Variants in NFIB observed in about 807,000 individuals in gnomAD.
NFIB encodes nuclear factor 1 B-type.
NFIB carries 11 observed loss-of-function variants against 61.5 expected under a neutral mutation model. The observed-to-expected ratio is 0.18, with a 90% CI of 0.11 to 0.30. The LOEUF is 0.30. Ranked by LOEUF, NFIB falls within the 10% of genes least tolerant of loss-of-function variation. The probability of loss-of-function intolerance (pLI) is 1.00; values close to 1 mark genes in which losing one functional copy is unlikely to be tolerated. For missense variants in NFIB, 471 were observed against 608.9 expected (o/e 0.77, Z 2.38); for synonymous variants, 260 against 216.5 (o/e 1.20, Z -1.76).
the NFIB span, among the ~76,000 whole-genome samples, chr9:14,530,146 A>T: frequency 2.6e-5 from 4 of 152,212 alleles, no homozygotes; most frequent in African/African-American, 9.6e-5. Context: ...ACTTCTTAGA[A>T]CAACGTAAAA....
At chr9:14,212,919 T>G (rs909920235) in intron 2 of NFIB, among the ~76,000 whole-genome samples, 1 of 152,242 alleles carries the variant, frequency 6.6e-6, no homozygotes, top group African/African-American at 2.4e-5. Flanking sequence ...GTAAATTCAC[T>G]GCTTAGAGAA....
At chr9:14,373,300 G>A (rs1232410416) in intron 1 of NFIB, among the ~76,000 whole-genome samples, 2 of 152,184 alleles carry the variant, frequency 1.3e-5, no homozygotes, top group Non-Finnish European at 2.9e-5. Context: ...TAGCATTTAT[G>A]AGAACTTACC....
At chr9:14,477,965 C>G in the NFIB span, among the ~76,000 whole-genome samples, 1 of 152,082 alleles carries the variant, frequency 6.6e-6, no homozygotes, top group African/African-American at 2.4e-5. Flanking sequence ...CCACCCCACC[C>G]CCCATTCTAT....
chr9:14,116,140 G>A, intron 9 of NFIB, 68 bp downstream of exon 9: 2 of 1,385,848 alleles, frequency 1.4e-6, no homozygotes, highest in East Asian at 2.9e-5. Flanking sequence ...ATCCAATGGT[G>A]CCTCTGATGG....
intron 2 of NFIB, among the ~76,000 whole-genome samples, chr9:14,289,688 G>A (rs2058964815): frequency 6.6e-6 from 1 of 151,688 alleles, no homozygotes; most frequent in African/African-American, 2.4e-5. Flanking sequence ...ACAAGATAAG[G>A]ATTATTATCC....
chr9:14,177,656 G>A (rs1041538214), intron 3 of NFIB, among the ~76,000 whole-genome samples: 23 of 151,896 alleles, frequency 1.5e-4, no homozygotes, highest in Non-Finnish European at 2.4e-4. Context: ...TAGAATCAAC[G>A]TACGATTTAC....
chr9:14,504,307 C>T, the NFIB span, among the ~76,000 whole-genome samples: 2 of 152,212 alleles, frequency 1.3e-5, no homozygotes, highest in East Asian at 3.9e-4. Flanking sequence ...TTTGGCTATG[C>T]TGGCTCTTTT....
chr9:14,251,585 A>C (rs577321157), intron 2 of NFIB, among the ~76,000 whole-genome samples: 4 of 152,232 alleles, frequency 2.6e-5, no homozygotes, highest in Non-Finnish European at 1.5e-5. Flanking sequence ...GGTTACTGCA[A>C]GTGGTATCGG....
chr9:14,345,993 G>A (rs960330846), intron 1 of NFIB, among the ~76,000 whole-genome samples: 5 of 152,152 alleles, frequency 3.3e-5, no homozygotes, highest in African/African-American at 1.2e-4. Flanking sequence ...TGGCAACATG[G>A]GCCAAGTGGT....
chr9:14,414,680 C>A, the NFIB span, among the ~76,000 whole-genome samples: 1 of 151,870 alleles, frequency 6.6e-6, no homozygotes, highest in Non-Finnish European at 1.5e-5. Context: ...CCAAAGCATA[C>A]AGAATGTGCT....
chr9:14,226,969 G>C (rs760655469), intron 2 of NFIB, among the ~76,000 whole-genome samples: 2 of 141,436 alleles, frequency 1.4e-5, no homozygotes, highest in African/African-American at 5.3e-5. Context: ...GTGAAACTCC[G>C]TCTCTAATAA....
chr9:14,440,466 A>G, the NFIB span, among the ~76,000 whole-genome samples: 1 of 152,176 alleles, frequency 6.6e-6, no homozygotes, highest in Non-Finnish European at 1.5e-5. Context: ...TCACAAATAT[A>G]CTTGTTGAAT....
the NFIB span, among the ~76,000 whole-genome samples, chr9:14,517,788 CA>C: frequency 6.6e-6 from 1 of 152,114 alleles, no homozygotes; most frequent in Non-Finnish European, 1.5e-5. Context: ...TGCCTTTTTC[CA>C]TGGGCTGTTT....
At chr9:14,217,827 T>C (rs2051122604) in intron 2 of NFIB, among the ~76,000 whole-genome samples, 1 of 152,142 alleles carries the variant, frequency 6.6e-6, no homozygotes, top group African/African-American at 2.4e-5. Context: ...CTTTGTTTCT[T>C]TCCCCCAAAA....
chr9:14,489,409 T>C, the NFIB span, among the ~76,000 whole-genome samples: 2 of 152,228 alleles, frequency 1.3e-5, no homozygotes, highest in South Asian at 2.1e-4. Flanking sequence ...CTTATGGCTA[T>C]TTGTGTGCCT....
intron 1 of NFIB, among the ~76,000 whole-genome samples, chr9:14,336,137 T>G (rs527906285): frequency 1.3e-5 from 2 of 152,256 alleles, no homozygotes; most frequent in African/African-American, 2.4e-5. Flanking sequence ...TTCAATATTA[T>G]CTTTGGATGA....
intron 2 of NFIB, among the ~76,000 whole-genome samples, chr9:14,245,659 G>C (rs2054836800): frequency 6.6e-6 from 1 of 152,132 alleles, no homozygotes; most frequent in African/African-American, 2.4e-5. Flanking sequence ...GATTACTTGA[G>C]ATCAGGAGTT....
chr9:14,300,887 A>C (rs916708008), intron 2 of NFIB, among the ~76,000 whole-genome samples: 7 of 152,214 alleles, frequency 4.6e-5, no homozygotes, highest in Non-Finnish European at 8.8e-5. Flanking sequence ...GCTTATGAGG[A>C]GAAAGACCTT....
the NFIB span, among the ~76,000 whole-genome samples, chr9:14,519,989 C>A: frequency 6.6e-6 from 1 of 152,136 alleles, no homozygotes; most frequent in Non-Finnish European, 1.5e-5. Context: ...TAGTTCTCTA[C>A]GTTATAAACA....
Sources: allele counts gnomAD v4.1 joint callset (sites outside exome capture counted in the v4.1 genomes callset), GRCh38; gene constraint gnomAD v4.1.1; transcripts MANE v1.5; gene names NCBI Gene and HGNC (gene_info 2026-07-23, HGNC 2026-07-21).